The following GABRA3 variants were observed in gnomAD, a reference collection of about 807,000 sequenced individuals.
GABRA3 encodes gamma-aminobutyric acid type A receptor subunit alpha3, also known as gamma-aminobutyric acid receptor subunit alpha-3.
GABRA3 carries 10 observed loss-of-function variants against 30.1 expected under a neutral mutation model. The observed-to-expected ratio is 0.33, with a 90% confidence interval of 0.20 to 0.56. The LOEUF is 0.56. Among genes scored for constraint, GABRA3 ranks in the 20% least tolerant of loss-of-function variants. The pLI is 0.89. For missense variants in GABRA3, 233 were observed against 392.0 expected, an observed-to-expected ratio of 0.59 and a Z score of 3.42; for synonymous variants, 151 against 146.8, an observed-to-expected ratio of 1.03 and a Z score of -0.21.
chrX:152,336,082 A>G (rs189143957), intron 3 of GABRA3, among the ~76,000 whole-genome samples: 65 of 111,447 alleles, frequency 5.8e-4, no homozygotes, highest in African/African-American at 2.0e-3. Flanking sequence ...AAGGAAAGGA[A>G]CAAATATTGG....
At chrX:152,304,536 C>T (rs1569390616) in intron 3 of GABRA3, among the ~76,000 whole-genome samples, 1 of 111,946 alleles carries the variant, frequency 8.9e-6, no homozygotes, top group African/African-American at 3.2e-5. Context: ...TATTCCAGCA[C>T]CATTTATTGA....
rs1410647486 is a variant in GABRA3 at position 152,285,668 on chromosome X, C to T, written c.263-933G>A. Among the ~76,000 whole-genome samples, 4 of 110,725 alleles carry T rather than the reference C, an allele frequency of 3.6e-5. 1 individual carries two copies. The South Asian group carries it at 1.2e-3, about 32-fold the overall frequency. The stretch of plus-strand genomic sequence containing the variant: ...ATTTATAAAGAACATAAATTCATTG[C>T]TCACAGTTCTGGAGTCTGGGAAGTC... On this transcript the variant is annotated intron_variant, in intron 3 of 9. Transcript: ENST00000370314.
intron 1 of GABRA3, among the ~76,000 whole-genome samples, chrX:152,390,104 G>C (rs1929437120): frequency 2.7e-5 from 3 of 111,830 alleles, no homozygotes; most frequent in Non-Finnish European, 5.6e-5. Context: ...CATTCCTGGT[G>C]TTTGAACTTC....
chrX:152,331,350 G>C (rs756354774), intron 3 of GABRA3, among the ~76,000 whole-genome samples: 1 of 110,642 alleles, frequency 9.0e-6, no homozygotes, highest in African/African-American at 3.3e-5. Context: ...CTACAAAAGG[G>C]ATTATCGTCC....
chrX:152,340,095 T>C (rs896077635), intron 3 of GABRA3, among the ~76,000 whole-genome samples: 1 of 112,212 alleles, frequency 8.9e-6, no homozygotes, highest in African/African-American at 3.2e-5. Flanking sequence ...TATTCTTTGT[T>C]AGCTTTTCCT....
Position 152,422,226 on chromosome X carries a change from T to TGA in GABRA3, c.-27+28918_-27+28919dup, listed in dbSNP as rs200397695. Among the ~76,000 whole-genome samples the TGA allele has an allele frequency of 7.4e-3, 829 of 111,798 alleles. 11 individuals carry two copies. Among genetic ancestry groups the TGA allele is most frequent in the African/African-American group, 0.025 (785 of 30,883 alleles). ...ACTACTACATAGCACTAAAAATTAA[T>TGA]GAACTATAGCTTTTGCAACAACGTG... On this transcript the variant is annotated intron_variant, in intron 1 of 9. Coordinates refer to ENST00000370314, the MANE Select transcript of GABRA3 (RefSeq NM_000808.4).
intron 7 of GABRA3, among the ~76,000 whole-genome samples, chrX:152,199,111 A>G (rs771157984): frequency 9.0e-6 from 1 of 111,516 alleles, no homozygotes; most frequent in Non-Finnish European, 1.9e-5. Flanking sequence ...GCCTGCCTGT[A>G]ATCCCAGCAC....
At chrX:152,429,886 G>A (rs142679600) in intron 1 of GABRA3, among the ~76,000 whole-genome samples, 148 of 112,118 alleles carry the variant, frequency 1.3e-3, no homozygotes, top group African/African-American at 4.6e-3. Flanking sequence ...CCTAACCTGA[G>A]TGGATCCATA....
At chrX:152,394,617 A>G (rs1162599456) in intron 1 of GABRA3, 4 of 283,547 alleles carry the variant, frequency 1.4e-5, no homozygotes, top group Non-Finnish European at 2.9e-5. Flanking sequence ...AGTACAAAAT[A>G]CTCATTCCCA....
intron 1 of GABRA3, among the ~76,000 whole-genome samples, chrX:152,404,277 TAAGTG>T (rs1034391062): frequency 2.7e-5 from 3 of 110,813 alleles, no homozygotes; most frequent in African/African-American, 9.9e-5. Context: ...AAGTTGCATA[TAAGTG>T]GAAAGGAAAA....
chrX:152,232,455 C>G (rs190217599), intron 5 of GABRA3, among the ~76,000 whole-genome samples: 106 of 110,056 alleles, frequency 9.6e-4, no homozygotes, highest in African/African-American at 3.3e-3. Flanking sequence ...TATTATTCCA[C>G]TCTCTATGTC....
At chrX:152,386,268 T>C (rs1378025978) in intron 1 of GABRA3, among the ~76,000 whole-genome samples, 1 of 109,617 alleles carries the variant, frequency 9.1e-6, no homozygotes, top group Non-Finnish European at 1.9e-5. Flanking sequence ...TTTTATTTCG[T>C]TGAGCAGTGG....
intron 9 of GABRA3, among the ~76,000 whole-genome samples, chrX:152,182,310 T>TACAC (rs1198159581): frequency 5.3e-5 from 5 of 93,786 alleles, no homozygotes; most frequent in East Asian, 3.3e-4. Flanking sequence ...TATATATATA[T>TACAC]ATACACACAC....
At chrX:152,271,033 C>T (rs1279212598) in intron 4 of GABRA3, among the ~76,000 whole-genome samples, 1 of 107,324 alleles carries the variant, frequency 9.3e-6, no homozygotes, top group Non-Finnish European at 1.9e-5. Context: ...GCAAACTCAG[C>T]TCACTGCAAT....
intron 5 of GABRA3, among the ~76,000 whole-genome samples, chrX:152,246,857 A>G (rs1032225586): frequency 9.1e-6 from 1 of 110,371 alleles, no homozygotes; most frequent in African/African-American, 3.3e-5. Context: ...AAGCCATTAC[A>G]AAAAAAAAGA....
chrX:152,287,777 C>CT (rs1015372912), intron 3 of GABRA3, among the ~76,000 whole-genome samples: 1 of 109,824 alleles, frequency 9.1e-6, no homozygotes, highest in South Asian at 3.9e-4. Flanking sequence ...TCTTCTATTT[C>CT]TTTTTTTTCT....
At chrX:152,329,010 T>C (rs1940116150) in intron 3 of GABRA3, among the ~76,000 whole-genome samples, 2 of 112,161 alleles carry the variant, frequency 1.8e-5, no homozygotes, top group African/African-American at 6.5e-5. Context: ...AGTCTCTGGA[T>C]ACAAAATCAA....
chrX:152,330,273 T>C (rs1037493671), intron 3 of GABRA3, among the ~76,000 whole-genome samples: 7 of 111,952 alleles, frequency 6.3e-5, no homozygotes, highest in Non-Finnish European at 1.1e-4. Flanking sequence ...AGTTCAACTA[T>C]TGTGGAAGAC....
At chrX:152,410,122 G>C (rs893933154) in intron 1 of GABRA3, among the ~76,000 whole-genome samples, 1 of 111,889 alleles carries the variant, frequency 8.9e-6, no homozygotes, top group Non-Finnish European at 1.9e-5. Context: ...GGCATGAAAA[G>C]AAAAACTTTG....
Sources: gnomAD v4.1 joint callset for allele counts (sites outside exome capture counted in the v4.1 genomes callset) on GRCh38, gnomAD v4.1.1 for gene constraint, MANE v1.5 for transcripts, NCBI Gene and HGNC (gene_info 2026-07-23, HGNC 2026-07-21) for gene names.